TBC1D31: variants seen among roughly 807,000 people sequenced by gnomAD.
TBC1D31 encodes the protein TBC1 domain family member 31, also known as WD repeat domain 67.
In TBC1D31, 99 loss-of-function variants were observed where a neutral mutation model predicts 132.9. The ratio of observed to expected loss-of-function variants is 0.74; its 90% CI spans 0.63 to 0.88. The LOEUF is 0.88. Among genes scored for constraint, TBC1D31 ranks in the 40% least tolerant of loss-of-function variants. The pLI, the probability that TBC1D31 is intolerant of heterozygous loss-of-function variation, is 0.00. For missense variants in TBC1D31, 1,134 were observed against 1,256.6 expected (o/e 0.90, Z 1.48); for synonymous variants, 385 against 419.4 (o/e 0.92, Z 1.00).
At chr8:123,083,362 A>G (rs1327553266) in intron 3 of TBC1D31, 2 of 152,310 alleles carry the variant, frequency 1.3e-5, no homozygotes, top group Non-Finnish European at 2.9e-5. Flanking sequence ...TTAAAAACCA[A>G]ATGTATTATC....
At chr8:123,105,487 C>T in intron 8 of TBC1D31, 23 bp downstream of exon 8, 1 of 1,589,444 alleles carries the variant, frequency 6.3e-7, no homozygotes, top group Non-Finnish European at 8.6e-7. Context: ...GGTAATTAAA[C>T]TTTGTCATGA....
intron 20 of TBC1D31, among the ~76,000 whole-genome samples, chr8:123,145,536 G>T (rs1454689487): frequency 6.6e-6 from 1 of 152,040 alleles, no homozygotes; most frequent in Admixed American, 6.6e-5. Flanking sequence ...GCTTACAGTG[G>T]CATCAACTGA....
At chr8:123,156,889 C>CG (rs1823005071), downstream of TBC1D31, among the ~76,000 whole-genome samples, 1 of 152,224 alleles carries the variant, frequency 6.6e-6, no homozygotes, top group African/African-American at 2.4e-5. Context: ...GCTCGCAGCG[C>CG]CGTCCTGGAC....
intron 4 of TBC1D31, 32 bp downstream of exon 4, chr8:123,084,372 G>A: frequency 6.3e-7 from 1 of 1,594,784 alleles, no homozygotes; most frequent in Non-Finnish European, 8.6e-7. Flanking sequence ...GGTCTGTTGT[G>A]CTTCTCGGGC....
chr8:123,098,085 A>C (rs1817006761), intron 6 of TBC1D31, among the ~76,000 whole-genome samples: 1 of 152,168 alleles, frequency 6.6e-6, no homozygotes, highest in Admixed American at 6.5e-5. Context: ...ATATGTATAC[A>C]TATGCATGTA....
rs142043950 is a variant in TBC1D31 at position 123,084,250 on chromosome 8, A to C, written c.429A>C (p.Thr143=). Residue 143 remains threonine (T), a synonymous_variant, in exon 4 of 22, where the codon ACA becomes ACC. Transcript: ENST00000287380. ...SVHASGKYAI[T]TSSDTAQLWD... is the part of the protein sequence containing the mutation. ...ATGCATCAGGGAAATATGCCATCAC[A>C]ACTTCTTCTGATACAGCACAATTAT... The C allele has an allele frequency of 1.2e-6, 2 of 1,614,194 alleles. No individual in the cohort carries two copies. Among genetic ancestry groups the C allele is most frequent in the East Asian group, 4.5e-5 (2 of 44,880 alleles).
In TBC1D31 at chr8:123,100,915, A is replaced by G. The variant is rs368981347; in HGVS notation, c.940A>G (p.Ile314Val). 5.0e-6 allele frequency: 8 copies of G among 1,614,088 alleles called. No individual in the cohort carries two copies. The highest frequency in any genetic ancestry group is 6.8e-6 in the Non-Finnish European group (8 of 1,179,956). ...SLDEGISSSA[I>V]SPHGRYIASI... ...CGATGAAGGAATTAGCTCATCAGCA[A>G]TTAGCCCACATGGACGGTACATTGC... is the stretch of plus-strand genomic sequence containing the variant. Residue 314 changes from isoleucine (I) to valine (V), a missense_variant, in exon 7 of 22, where the codon ATT (isoleucine) becomes GTT (valine). Transcript: ENST00000287380.
At chr8:123,144,420 T>G (rs1821984153) in intron 19 of TBC1D31, among the ~76,000 whole-genome samples, 1 of 152,182 alleles carries the variant, frequency 6.6e-6, no homozygotes, top group African/African-American at 2.4e-5. Context: ...TCTCATAAGA[T>G]TTGAGATTTG....
At chr8:123,160,514 A>G in the TBC1D31 span, among the ~76,000 whole-genome samples, 2 of 151,528 alleles carry the variant, frequency 1.3e-5, no homozygotes, top group Non-Finnish European at 2.9e-5. Flanking sequence ...GAGGAGGAGG[A>G]GGCTACCTGG....
intron 4 of TBC1D31, among the ~76,000 whole-genome samples, chr8:123,088,363 G>T (rs1167699840): frequency 1.3e-5 from 2 of 152,042 alleles, no homozygotes; most frequent in East Asian, 3.8e-4. Flanking sequence ...GCTGAGGTGG[G>T]AGAATCCCCT....
At chr8:123,109,644 T>C (rs762321974) in intron 10 of TBC1D31, 24 bp downstream of exon 10, 3 of 1,574,096 alleles carry the variant, frequency 1.9e-6, no homozygotes, top group Non-Finnish European at 2.6e-6. Flanking sequence ...ATTGCAGCAA[T>C]GTGTATGAGA....
intron 10 of TBC1D31, among the ~76,000 whole-genome samples, chr8:123,119,155 G>A (rs118019187): frequency 1.3e-5 from 2 of 152,210 alleles, no homozygotes; most frequent in Non-Finnish European, 2.9e-5. Context: ...GATAATATGC[G>A]GCCAAGAGTA....
intron 1 of TBC1D31, among the ~76,000 whole-genome samples, chr8:123,076,045 C>T (rs1814478971): frequency 6.6e-6 from 1 of 152,132 alleles, no homozygotes; most frequent in Non-Finnish European, 1.5e-5. Flanking sequence ...ATTGCTATTA[C>T]CTGCAGACAG....
At chr8:123,144,120 A>C (rs1474709255) in intron 19 of TBC1D31, among the ~76,000 whole-genome samples, 3 of 152,218 alleles carry the variant, frequency 2.0e-5, no homozygotes, top group Non-Finnish European at 4.4e-5. Flanking sequence ...TAGCATAAAA[A>C]TTATGTGTTT....
chr8:123,144,906 T>C (rs776154633), intron 20 of TBC1D31, 51 bp downstream of exon 20: 4 of 1,537,752 alleles, frequency 2.6e-6, no homozygotes, highest in South Asian at 2.5e-5. Context: ...TTTATTCTTT[T>C]AGTAGGGTCT....
intron 4 of TBC1D31, 133 bp from the exon 5 acceptor site, chr8:123,093,458 T>C (rs542606044): frequency 3.7e-6 from 2 of 533,376 alleles, no homozygotes; most frequent in African/African-American, 3.8e-5. Context: ...CCTTGTCATA[T>C]ATTAGAAATG....
chr8:123,110,874 C>T (rs1003817558), intron 10 of TBC1D31, among the ~76,000 whole-genome samples: 4 of 152,184 alleles, frequency 2.6e-5, no homozygotes, highest in Non-Finnish European at 5.9e-5. Context: ...GTACACATTA[C>T]ATTTGGTTGA....
At chr8:123,114,998 T>C (rs1424918363) in intron 10 of TBC1D31, among the ~76,000 whole-genome samples, 7 of 152,354 alleles carry the variant, frequency 4.6e-5, no homozygotes, top group South Asian at 4.1e-4. Context: ...TTCATCTTGT[T>C]AATTGACATT....
At chr8:123,073,447 G>A (rs1043090813) in intron 1 of TBC1D31, 1 of 455,592 alleles carries the variant, frequency 2.2e-6, no homozygotes, top group African/African-American at 2.0e-5. Context: ...TAGGGGCTGG[G>A]GCGTTCATTA....
Sources: allele counts gnomAD v4.1 joint callset (sites outside exome capture counted in the v4.1 genomes callset), GRCh38; gene constraint gnomAD v4.1.1; transcripts MANE v1.5; gene names NCBI Gene and HGNC (gene_info 2026-07-23, HGNC 2026-07-21).